The following PTPRO variants were observed in gnomAD, a reference collection of about 807,000 sequenced individuals.
PTPRO encodes the protein protein tyrosine phosphatase receptor type O.
Under a neutral mutation model 145.2 loss-of-function variants are expected in PTPRO, and 62 were observed. That is an observed-to-expected ratio of 0.43 (90% CI 0.35 to 0.53). The LOEUF (loss-of-function observed/expected upper bound fraction) is 0.53, where lower values mean the gene tolerates loss of function less well. Among genes scored for constraint, PTPRO ranks in the 20% least tolerant of loss-of-function variants. The probability of loss-of-function intolerance (pLI) is 0.01; values close to 1 mark genes in which losing one functional copy is unlikely to be tolerated. For missense variants in PTPRO, 1,345 were observed against 1,482.7 expected, an observed-to-expected ratio of 0.91 and a Z score of 1.53; for synonymous variants, 565 against 514.7, an observed-to-expected ratio of 1.10 and a Z score of -1.32.
At chr12:15,530,538 C>A (rs1942940565) in intron 12 of PTPRO, among the ~76,000 whole-genome samples, 1 of 152,006 alleles carries the variant, frequency 6.6e-6, no homozygotes, top group Non-Finnish European at 1.5e-5. Flanking sequence ...TTTCTGACCA[C>A]AATGGAATAA....
At chr12:15,374,411 T>C (rs1374682194) in intron 1 of PTPRO, among the ~76,000 whole-genome samples, 1 of 151,994 alleles carries the variant, frequency 6.6e-6, no homozygotes, top group African/African-American at 2.4e-5. Flanking sequence ...TTTTATTTAT[T>C]AAAAAAACTG....
chr12:15,363,967 A>G (rs1050277964), intron 1 of PTPRO, among the ~76,000 whole-genome samples: 7 of 152,208 alleles, frequency 4.6e-5, no homozygotes, highest in African/African-American at 1.7e-4. Flanking sequence ...ACCACACATG[A>G]ATAAGTGAAA....
chr12:15,385,695 C>T (rs1019008320), intron 1 of PTPRO, among the ~76,000 whole-genome samples: 2 of 151,380 alleles, frequency 1.3e-5, no homozygotes, highest in African/African-American at 2.4e-5. Context: ...GCCTGTTGTC[C>T]CAGCTACTCA....
At chr12:15,364,690 G>A (rs536384582) in intron 1 of PTPRO, among the ~76,000 whole-genome samples, 1 of 152,220 alleles carries the variant, frequency 6.6e-6, no homozygotes, top group South Asian at 2.1e-4. Flanking sequence ...CAGGATTTAA[G>A]TCATAGCAAC....
chr12:15,581,903 G>C, intron 23 of PTPRO, 102 bp downstream of exon 23: 1 of 1,449,394 alleles, frequency 6.9e-7, no homozygotes, highest in Non-Finnish European at 9.5e-7. Flanking sequence ...AGGAATTACA[G>C]ACACACACAC....
chr12:15,396,732 G>A (rs1195206100), intron 1 of PTPRO, among the ~76,000 whole-genome samples: 1 of 152,024 alleles, frequency 6.6e-6, no homozygotes, highest in Non-Finnish European at 1.5e-5. Context: ...TTCTATAGAG[G>A]AAGAAAATAA....
At chr12:15,501,549 C>A in intron 4 of PTPRO, 71 bp from the exon 5 acceptor site, 1 of 1,370,170 alleles carries the variant, frequency 7.3e-7, no homozygotes, top group Non-Finnish European at 1.0e-6. Flanking sequence ...GTACCTGACT[C>A]ATTAAGAGAT....
chr12:15,509,650 G>A (rs1375321041), intron 7 of PTPRO, among the ~76,000 whole-genome samples: 1 of 94,424 alleles, frequency 1.1e-5, no homozygotes, highest in African/African-American at 3.4e-5. Flanking sequence ...TGAGCCCACT[G>A]TACTCCAGCC....
chr12:15,354,481 G>T (rs2136234895), intron 1 of PTPRO, among the ~76,000 whole-genome samples: 1 of 152,228 alleles, frequency 6.6e-6, no homozygotes, highest in African/African-American at 2.4e-5. Context: ...GGTGCAAAAA[G>T]TTTTTGAAAT....
chr12:15,507,329 C>A (rs1233645567), intron 6 of PTPRO, among the ~76,000 whole-genome samples: 2 of 151,878 alleles, frequency 1.3e-5, no homozygotes, highest in Non-Finnish European at 2.9e-5. Context: ...AGGAGAATCG[C>A]TTGAACTCAG....
At chr12:15,489,588 A>C (rs1017016750) in intron 2 of PTPRO, among the ~76,000 whole-genome samples, 8 of 152,130 alleles carry the variant, frequency 5.3e-5, no homozygotes, top group African/African-American at 1.9e-4. Flanking sequence ...AATGTATTAT[A>C]ATTAGTGTAT....
At chr12:15,448,711 G>A (rs1940971752) in intron 1 of PTPRO, among the ~76,000 whole-genome samples, 1 of 152,042 alleles carries the variant, frequency 6.6e-6, no homozygotes, top group South Asian at 2.1e-4. Context: ...CAACTCCAAG[G>A]GACGTCAGCT....
At chr12:15,566,733 C>T (rs1306953716) in intron 18 of PTPRO, among the ~76,000 whole-genome samples, 5 of 152,056 alleles carry the variant, frequency 3.3e-5, no homozygotes, top group Non-Finnish European at 7.4e-5. Flanking sequence ...ATTGGTCAGA[C>T]TGGTCTCGAA....
At chr12:15,357,024 G>C (rs573230661) in intron 1 of PTPRO, among the ~76,000 whole-genome samples, 15 of 152,172 alleles carry the variant, frequency 9.9e-5, no homozygotes, top group Middle Eastern at 3.4e-3. Flanking sequence ...CTGTCACCTT[G>C]GTGACAGCAG....
intron 12 of PTPRO, among the ~76,000 whole-genome samples, chr12:15,544,997 C>T (rs12368782): frequency 5.3e-5 from 8 of 152,154 alleles, no homozygotes; most frequent in African/African-American, 1.9e-4. Context: ...AAGAAACATG[C>T]TTCTTTTTAG....
Position 15,578,818 on chromosome 12 carries a change from A to G in PTPRO, c.2830-35A>G, listed in dbSNP as rs372282049. ...AACAATAATCCAATTCACACCACGTATGGAACTCTCAAATCCATTCTCTGT... is the reference window on the plus strand; with the variant it reads ...AACAATAATCCAATTCACACCACGTGTGGAACTCTCAAATCCATTCTCTGT... On this transcript the variant is annotated intron_variant, in intron 19 of 26. Coordinates refer to ENST00000281171, the MANE Select transcript of PTPRO (RefSeq NM_030667.3). 3.7e-5 allele frequency: 54 copies of G among 1,468,076 alleles called. No homozygotes were observed. The African/African-American group carries it at 5.0e-4, about 14-fold the overall frequency. The allele number at this position is 1,468,076 out of a possible 1,614,324, so 90.9% of individuals were successfully genotyped here.
chr12:15,549,938 T>C (rs1045091074), intron 14 of PTPRO, among the ~76,000 whole-genome samples: 1 of 152,190 alleles, frequency 6.6e-6, no homozygotes, highest in African/African-American at 2.4e-5. Context: ...TGGTTTTCTG[T>C]TTTTAATTTT....
At chr12:15,472,641 G>T (rs1387962767) in intron 1 of PTPRO, among the ~76,000 whole-genome samples, 1 of 152,200 alleles carries the variant, frequency 6.6e-6, no homozygotes, top group Non-Finnish European at 1.5e-5. Flanking sequence ...GGGCTTTCTT[G>T]TCTACATGTC....
chr12:15,509,386 AAACTT>A (rs890765268), intron 7 of PTPRO, among the ~76,000 whole-genome samples: 5 of 151,904 alleles, frequency 3.3e-5, no homozygotes, highest in African/African-American at 9.7e-5. Context: ...AAAAAAAAAA[AAACTT>A]AAAAATGTAA....
Sources: gnomAD v4.1 joint callset for allele counts (sites outside exome capture counted in the v4.1 genomes callset) on GRCh38, gnomAD v4.1.1 for gene constraint, MANE v1.5 for transcripts, NCBI Gene and HGNC (gene_info 2026-07-23, HGNC 2026-07-21) for gene names.